CUBN: variants seen among roughly 807,000 people sequenced by gnomAD.
CUBN encodes 460 kDa receptor.
Under a neutral mutation model 405.3 loss-of-function variants are expected in CUBN, and 282 were observed. The observed-to-expected ratio is 0.70, with a 90% CI of 0.63 to 0.77. The LOEUF (loss-of-function observed/expected upper bound fraction) is 0.77, where lower values mean the gene tolerates loss of function less well. CUBN is among the 30% of genes least tolerant of loss of function. The pLI, the probability that CUBN is intolerant of heterozygous loss-of-function variation, is 0.00. For missense variants in CUBN, 4,514 were observed against 4,475.2 expected (o/e 1.01, Z -0.25); for synonymous variants, 1,684 against 1,617.0 (o/e 1.04, Z -0.99).
At chr10:16,890,850 C>T (rs917166216) in intron 54 of CUBN, among the ~76,000 whole-genome samples, 1 of 152,042 alleles carries the variant, frequency 6.6e-6, no homozygotes, top group Non-Finnish European at 1.5e-5. Flanking sequence ...CCGAGCTTCC[C>T]GGGTGCTGAG....
At chr10:17,090,457 T>C (rs2131284993) in intron 14 of CUBN, among the ~76,000 whole-genome samples, 1 of 151,732 alleles carries the variant, frequency 6.6e-6, no homozygotes, top group African/African-American at 2.4e-5. Context: ...TTGATTTGGC[T>C]TTGGAACTAT....
chr10:16,865,665 T>G (rs1279249470), intron 59 of CUBN, among the ~76,000 whole-genome samples: 1 of 151,906 alleles, frequency 6.6e-6, no homozygotes, highest in Non-Finnish European at 1.5e-5. Context: ...ATCAGCAGGA[T>G]CCTAAAAGTA....
At chr10:16,947,080 T>A (rs1842806240) in intron 36 of CUBN, among the ~76,000 whole-genome samples, 155 bp downstream of exon 36, 1 of 152,212 alleles carries the variant, frequency 6.6e-6, no homozygotes, top group Non-Finnish European at 1.5e-5. Context: ...AACTTCATGC[T>A]ATTTATAACT....
At chr10:16,884,128 C>G (rs540156990) in intron 56 of CUBN, among the ~76,000 whole-genome samples, 1 of 152,030 alleles carries the variant, frequency 6.6e-6, no homozygotes, top group Admixed American at 6.6e-5. Context: ...TACAGGGGCC[C>G]GCCACCACGC....
At chr10:16,835,901 T>C (rs1301025269) in intron 63 of CUBN, among the ~76,000 whole-genome samples, 51 of 152,200 alleles carry the variant, frequency 3.4e-4, no homozygotes, top group Non-Finnish European at 8.8e-5. Context: ...AATAAACATA[T>C]ATATTTCTTG....
intron 27 of CUBN, among the ~76,000 whole-genome samples, chr10:17,033,360 TA>T (rs1275705540): frequency 6.6e-6 from 1 of 152,194 alleles, no homozygotes; most frequent in African/African-American, 2.4e-5. Flanking sequence ...TCCCAGCACT[TA>T]ACGCTGCCTG....
At position 16,877,072 on chromosome 10, in the gene CUBN, A is replaced by G; in HGVS notation, c.8931T>C (p.Cys2977=). ...LEARSAVTGS[C]VNDGVHIIRG... ...TGATAATGTGCACGCCATCGTTGACACAGCTTCCCGTCACAGCGGAACGAG... is the reference window on the plus strand; with the variant it reads ...TGATAATGTGCACGCCATCGTTGACGCAGCTTCCCGTCACAGCGGAACGAG... Residue 2977 remains cysteine, a synonymous_variant, in exon 57 of 67, where the codon TGT becomes TGC. Coordinates refer to ENST00000377833, the MANE Select transcript of CUBN (RefSeq NM_001081.4). 6.2e-7 allele frequency: 1 copy of G among 1,614,028 alleles called. No individual in the cohort carries two copies. Among genetic ancestry groups the G allele is most frequent in the Non-Finnish European group, 8.5e-7 (1 of 1,179,964 alleles).
intron 23 of CUBN, among the ~76,000 whole-genome samples, 163 bp from the exon 24 acceptor site, chr10:17,046,257 T>C (rs978852534): frequency 1.3e-5 from 2 of 152,286 alleles, no homozygotes; most frequent in East Asian, 1.9e-4. Flanking sequence ...TTTTCACTTT[T>C]AAATTTTTAA....
At chr10:17,080,002 G>C (rs1835933782) in intron 17 of CUBN, among the ~76,000 whole-genome samples, 3 of 152,146 alleles carry the variant, frequency 2.0e-5, no homozygotes, top group Non-Finnish European at 4.4e-5. Context: ...AAAAGGTTCA[G>C]ACGGAGGACA....
chr10:16,940,026 ACTTACT>A lies in CUBN; in HGVS notation c.5548_5548+5del. On this transcript the variant is annotated splice_donor_variant and splice_donor_5th_base_variant and coding_sequence_variant and intron_variant, in exon 37 of 67. Coordinates refer to ENST00000377833, the MANE Select transcript of CUBN (RefSeq NM_001081.4). LOFTEE classifies it high-confidence loss of function. The stretch of plus-strand genomic sequence containing the variant: ...GGAAGCTATCACTAAAATAGAAACA[ACTTACT>A]CTTCATAAATGTGGCCTGGAAGCCC... 2 of 1,611,066 alleles carry A rather than the reference ACTTACT, an allele frequency of 1.2e-6. No homozygotes were observed. Among genetic ancestry groups the A allele is most frequent in the Non-Finnish European group, 1.7e-6 (2 of 1,177,220 alleles).
chr10:16,869,862 TGTAC>T lies in CUBN; in HGVS notation c.9237-13_9237-10del, dbSNP rs749963296. The T allele has an allele frequency of 7.6e-6, 12 of 1,578,676 alleles. No individual in the cohort carries two copies. In the East Asian group the frequency reaches 2.5e-4, roughly 32 times the overall value. ...CATCAAAATCACTGAACCTGTGAAA[TGTAC>T]CTTGTTAATACTGATGTTTCCATTT... is the stretch of plus-strand genomic sequence containing the variant. On this transcript the variant is annotated splice_polypyrimidine_tract_variant and intron_variant, in intron 58 of 66. Transcript: ENST00000377833.
intron 56 of CUBN, among the ~76,000 whole-genome samples, chr10:16,886,174 A>AT (rs1308518807): frequency 3.3e-5 from 5 of 152,044 alleles, no homozygotes; most frequent in Non-Finnish European, 7.3e-5. Flanking sequence ...TACACTTGGC[A>AT]TTTTTTTAAG....
rs190275854 is a variant in CUBN, at chr10:16,990,635, G to A, written c.4169-120C>T. 790 of 758,668 alleles carry A rather than the reference G, an allele frequency of 1.0e-3. 4 individuals carry two copies. In the African/African-American group the frequency reaches 0.011, roughly 11 times the overall value. 47.0% of individuals were successfully genotyped at this position (758,668 alleles called of 1,614,324 possible). On this transcript the variant is annotated intron_variant, in intron 28 of 66. Coordinates refer to ENST00000377833, the MANE Select transcript of CUBN (RefSeq NM_001081.4). Reference sequence around the variant, plus strand: ...ACAATGCTTAATTTAGGAGAAAACCGTTAAGTTACAATAAAGTTATAATTA... The same window carrying A: ...ACAATGCTTAATTTAGGAGAAAACCATTAAGTTACAATAAAGTTATAATTA...
chr10:16,831,418 C>A lies in CUBN; in HGVS notation c.10363-1G>T. On this transcript the variant is annotated splice_acceptor_variant, in intron 64 of 66. Transcript: ENST00000377833. LOFTEE classifies it high-confidence loss of function. Reference sequence around the variant, plus strand: ...AATTGCTGTTACTTCCATTTCTCACCTTTAGGAAGGAGTCATTCATTATTA... The same window carrying A: ...AATTGCTGTTACTTCCATTTCTCACATTTAGGAAGGAGTCATTCATTATTA... The A allele has an allele frequency of 6.2e-7, 1 of 1,612,948 alleles. No individual in the cohort carries two copies. Among genetic ancestry groups the A allele is most frequent in the Non-Finnish European group, 8.5e-7 (1 of 1,178,936 alleles).
rs764361501 is a variant in CUBN at position 16,851,285 on chromosome 10, CA to C, written c.9612del (p.Phe3204LeufsTer17). ...NKVIHLTFNT[F>X]ALEAASTRQR... ...TGCCTAGTACTTGCTGCCTCCAGAG[CA>C]AATGTATTGAAGGTGAGGTGAATTA... On this transcript the variant is annotated frameshift_variant, in exon 60 of 67. Transcript: ENST00000377833. LOFTEE classifies it high-confidence loss of function. The C allele has an allele frequency of 1.2e-6, 2 of 1,614,122 alleles. No homozygotes were observed. Among genetic ancestry groups the C allele is most frequent in the Admixed American group, 1.7e-5 (1 of 60,022 alleles).
At chr10:16,949,031 G>C (rs1466759391) in intron 34 of CUBN, among the ~76,000 whole-genome samples, 1 of 152,170 alleles carries the variant, frequency 6.6e-6, no homozygotes, top group East Asian at 1.9e-4. Flanking sequence ...TGTGATCCTA[G>C]GCAAGTGACT....
chr10:17,048,875 T>C (rs1384189713), intron 22 of CUBN, among the ~76,000 whole-genome samples: 3 of 152,228 alleles, frequency 2.0e-5, no homozygotes, highest in Non-Finnish European at 2.9e-5. Flanking sequence ...ATTGAAAACA[T>C]AGAGATGCAT....
intron 62 of CUBN, 37 bp downstream of exon 62, chr10:16,840,293 C>A: frequency 1.3e-6 from 2 of 1,537,122 alleles, no homozygotes; most frequent in South Asian, 2.2e-5. Flanking sequence ...GTGAAAAGGT[C>A]ACTAGATGTG....
intron 55 of CUBN, among the ~76,000 whole-genome samples, chr10:16,888,879 T>C (rs1352856993): frequency 1.3e-5 from 2 of 152,184 alleles, no homozygotes; most frequent in Non-Finnish European, 2.9e-5. Flanking sequence ...TGATAGAATA[T>C]GGTTCATGCA....
Sources: gnomAD v4.1 joint callset for allele counts (sites outside exome capture counted in the v4.1 genomes callset) on GRCh38, gnomAD v4.1.1 for gene constraint, MANE v1.5 for transcripts, NCBI Gene and HGNC (gene_info 2026-07-23, HGNC 2026-07-21) for gene names.